Variants in ARMH4 observed in about 807,000 individuals in gnomAD.
The protein encoded by ARMH4 is armadillo like helical domain containing 4.
In ARMH4, 49 loss-of-function variants were observed where a neutral mutation model predicts 61.9. The observed-to-expected ratio is 0.79, with a 90% confidence interval of 0.63 to 1.00. The LOEUF (loss-of-function observed/expected upper bound fraction) is 1.00, where lower values mean the gene tolerates loss of function less well. ARMH4 is among the 50% of genes least tolerant of loss of function. The probability of loss-of-function intolerance (pLI) is 0.00; values close to 1 mark genes in which losing one functional copy is unlikely to be tolerated. For synonymous variants in ARMH4, 368 were observed against 341.5 expected (o/e 1.08, Z -0.85); for missense variants, 934 against 930.0 (o/e 1.00, Z -0.06).
chr14:58,029,833 C>T (rs1883163248), intron 5 of ARMH4, among the ~76,000 whole-genome samples: 1 of 152,102 alleles, frequency 6.6e-6, no homozygotes, highest in African/African-American at 2.4e-5. Flanking sequence ...TGACATATAA[C>T]CCAGCAATTC....
At chr14:58,076,988 T>G (rs1885067605) in intron 5 of ARMH4, among the ~76,000 whole-genome samples, 1 of 152,190 alleles carries the variant, frequency 6.6e-6, no homozygotes, top group African/African-American at 2.4e-5. Flanking sequence ...CAGTGATGTC[T>G]GCCTATACCA....
chr14:58,043,406 G>T (rs554461831), intron 5 of ARMH4, among the ~76,000 whole-genome samples: 5 of 151,944 alleles, frequency 3.3e-5, no homozygotes, highest in African/African-American at 4.8e-5. Flanking sequence ...ATTCAACAAC[G>T]CTTCATGCTA....
Position 58,079,054 on chromosome 14 carries a change from C to T in ARMH4, c.2089+17670G>A, listed in dbSNP as rs145295781. 4.0e-3 allele frequency among the ~76,000 whole-genome samples: 604 copies of T among 152,310 alleles called. 2 individuals are homozygous for T. The highest frequency in any genetic ancestry group is 0.014 in the African/African-American group (580 of 41,558). On this transcript the variant is annotated intron_variant, in intron 5 of 7. Coordinates refer to ENST00000267485, the MANE Select transcript of ARMH4 (RefSeq NM_001001872.4). ...TGGGAATGTTGCAGCTATTTTGAGA[C>T]CATGCAATTTGGAAACCCTTTTGAC... is the stretch of plus-strand genomic sequence containing the variant.
chr14:58,110,039 C>T (rs1053075685), intron 4 of ARMH4, among the ~76,000 whole-genome samples: 3 of 152,144 alleles, frequency 2.0e-5, no homozygotes, highest in Non-Finnish European at 4.4e-5. Flanking sequence ...GGAAAACCAC[C>T]TTCATGATCC....
At chr14:58,110,187 G>A (rs537598872) in intron 4 of ARMH4, among the ~76,000 whole-genome samples, 103 of 152,200 alleles carry the variant, frequency 6.8e-4, no homozygotes, top group Middle Eastern at 3.4e-3. Flanking sequence ...CATCCTTTCC[G>A]CTTTTCTAAG....
chr14:58,057,126 T>G (rs1450667493), intron 5 of ARMH4, among the ~76,000 whole-genome samples: 2 of 152,126 alleles, frequency 1.3e-5, no homozygotes, highest in Non-Finnish European at 2.9e-5. Flanking sequence ...AAAATAAACT[T>G]CTCTCTTCTT....
intron 5 of ARMH4, among the ~76,000 whole-genome samples, chr14:58,077,604 T>A (rs558799134): frequency 6.6e-6 from 1 of 151,972 alleles, no homozygotes; most frequent in Non-Finnish European, 1.5e-5. Context: ...GAGACTCTAT[T>A]CAAAAAGAAA....
At chr14:58,025,460 AAAGAG>A (rs1230242383) in intron 5 of ARMH4, among the ~76,000 whole-genome samples, 1 of 152,174 alleles carries the variant, frequency 6.6e-6, no homozygotes, top group East Asian at 1.9e-4. Context: ...TAATCAATGA[AAAGAG>A]AAATGCATGC....
chr14:58,085,786 C>T (rs1023492923), intron 5 of ARMH4, among the ~76,000 whole-genome samples: 5 of 152,138 alleles, frequency 3.3e-5, no homozygotes, highest in African/African-American at 7.2e-5. Context: ...GGTTTCCAGA[C>T]GGCTCTTCCT....
chr14:58,078,587 T>C (rs1885123312), intron 5 of ARMH4, among the ~76,000 whole-genome samples: 1 of 152,244 alleles, frequency 6.6e-6, no homozygotes, highest in African/African-American at 2.4e-5. Context: ...ATGGTACAGA[T>C]ATAGATCTTG....
At chr14:58,077,868 C>T (rs900753041) in intron 5 of ARMH4, among the ~76,000 whole-genome samples, 5 of 152,164 alleles carry the variant, frequency 3.3e-5, no homozygotes, top group African/African-American at 4.8e-5. Flanking sequence ...CTTAAAATTC[C>T]ACCCTTTGCT....
chr14:58,025,717 C>G (rs2141155119), intron 5 of ARMH4, among the ~76,000 whole-genome samples: 1 of 152,140 alleles, frequency 6.6e-6, no homozygotes, highest in African/African-American at 2.4e-5. Flanking sequence ...TTTAAAGAAT[C>G]TTGAGTTTTT....
chr14:58,022,766 C>T (rs888548700), intron 5 of ARMH4, among the ~76,000 whole-genome samples: 1 of 152,162 alleles, frequency 6.6e-6, no homozygotes, highest in African/African-American at 2.4e-5. Context: ...TGGCCCTTTG[C>T]CATACCAATT....
chr14:58,101,182 G>C (rs1423642387), intron 4 of ARMH4: 1 of 152,468 alleles, frequency 6.6e-6, no homozygotes. Context: ...ACTCACTGCA[G>C]TACATCGGTC....
intron 4 of ARMH4, among the ~76,000 whole-genome samples, chr14:58,103,598 AT>A (rs5808959): frequency 6.7e-5 from 10 of 150,218 alleles, no homozygotes; most frequent in Admixed American, 6.6e-4. Flanking sequence ...AGAGCACTAT[AT>A]TTTTTTTTGG....
At chr14:58,140,631 T>G (rs1887509994) in intron 1 of ARMH4, among the ~76,000 whole-genome samples, 1 of 151,616 alleles carries the variant, frequency 6.6e-6, no homozygotes, top group Non-Finnish European at 1.5e-5. Flanking sequence ...CCGGGTGCAG[T>G]GGCTCACACC....
intron 5 of ARMH4, among the ~76,000 whole-genome samples, chr14:58,051,439 C>T (rs1444605088): frequency 6.6e-6 from 1 of 152,196 alleles, no homozygotes; most frequent in Non-Finnish European, 1.5e-5. Context: ...CACTTCATGG[C>T]ACACCACTGG....
intron 5 of ARMH4, among the ~76,000 whole-genome samples, chr14:58,013,208 GC>G (rs1432218153): frequency 6.6e-6 from 1 of 152,154 alleles, no homozygotes; most frequent in African/African-American, 2.4e-5. Context: ...GTTTTGCAGA[GC>G]GTATAGTCTC....
At chr14:58,103,744 T>C (rs1886078897) in intron 4 of ARMH4, among the ~76,000 whole-genome samples, 1 of 152,140 alleles carries the variant, frequency 6.6e-6, no homozygotes, top group African/African-American at 2.4e-5. Flanking sequence ...TGAGCCACTG[T>C]GTCTGACCCC....
Sources: gnomAD v4.1 joint callset for allele counts (sites outside exome capture counted in the v4.1 genomes callset) on GRCh38, gnomAD v4.1.1 for gene constraint, MANE v1.5 for transcripts, NCBI Gene and HGNC (gene_info 2026-07-23, HGNC 2026-07-21) for gene names.